TBXAS1: variants seen among roughly 807,000 people sequenced by gnomAD.
TBXAS1 encodes thromboxane-A synthase.
A neutral mutation model predicts 60.7 loss-of-function variants in TBXAS1; 48 were observed. That is an observed-to-expected ratio of 0.79 (90% CI 0.63 to 1.01). TBXAS1 has a LOEUF of 1.01. TBXAS1 is among the 50% of genes least tolerant of loss of function. The pLI is 0.00. For synonymous variants in TBXAS1, 287 were observed against 269.7 expected (o/e 1.06, Z -0.63); for missense variants, 685 against 686.3 (o/e 1.00, Z 0.02).
intron 3 of TBXAS1, among the ~76,000 whole-genome samples, chr7:139,785,966 A>G (rs957519609): frequency 2.0e-5 from 3 of 149,768 alleles, no homozygotes; most frequent in Non-Finnish European, 4.4e-5. Flanking sequence ...CCACATCCCC[A>G]GAGGTCATTT....
At chr7:139,841,435 T>A (rs1799441869) in intron 1 of TBXAS1, among the ~76,000 whole-genome samples, 1 of 152,078 alleles carries the variant, frequency 6.6e-6, no homozygotes, top group Admixed American at 6.5e-5. Flanking sequence ...AAGGCATGGA[T>A]AATTTTCAGT....
chr7:139,826,491 T>A (rs1274617713), upstream of TBXAS1, among the ~76,000 whole-genome samples: 1 of 152,064 alleles, frequency 6.6e-6, no homozygotes, highest in Non-Finnish European at 1.5e-5. Context: ...GAAAGGAAGG[T>A]TCTTGGCACC....
chr7:139,905,092 T>C (rs1804968555), intron 3 of TBXAS1, among the ~76,000 whole-genome samples: 2 of 150,916 alleles, frequency 1.3e-5, no homozygotes, highest in African/African-American at 2.4e-5. Flanking sequence ...TTTCTCCCTC[T>C]CTCTCTCTCT....
intron 9 of TBXAS1, among the ~76,000 whole-genome samples, chr7:139,987,136 G>C (rs1398917337): frequency 6.6e-6 from 1 of 152,054 alleles, no homozygotes; most frequent in Non-Finnish European, 1.5e-5. Context: ...AGCCACCTTG[G>C]GGAGCTTGAT....
At position 139,911,208 on chromosome 7, in the gene TBXAS1, T is replaced by C. The variant is rs768223175; in HGVS notation, c.237-17T>C. The C allele has an allele frequency of 1.3e-5, 21 of 1,611,288 alleles. No homozygotes were observed. The South Asian group carries it at 2.0e-4, about 15-fold the overall frequency. On this transcript the variant is annotated splice_polypyrimidine_tract_variant and intron_variant, in intron 3 of 12. Transcript: ENST00000448866. ...GGGTAATGCAACACATTTTAATGCA[T>C]TTTTTATTCCTCCCAGGTACTATCT...
rs57545948 is a variant in TBXAS1, at chr7:139,852,935, TACACACACACACACACACACACAC to T, written c.90-19268_90-19245del. On this transcript the variant is annotated intron_variant, in intron 1 of 12. Transcript: ENST00000448866. The surrounding 1 kb of genome is among the most constrained non-coding windows in gnomAD (Gnocchi z 4.4). ...TGTGTACCAACCTTGGCTACTCCAA[TACACACACACACACACACACACAC>T]ACACACACACACACACACACACACA... Among the ~76,000 whole-genome samples, 25 of 127,424 alleles carry T rather than the reference TACACACACACACACACACACACAC, an allele frequency of 2.0e-4. No individual in the cohort carries two copies. The highest frequency in any genetic ancestry group is 2.5e-4 in the Non-Finnish European group (15 of 58,994). The allele number at this position is 127,424 out of a possible 152,430, so 83.6% of individuals were successfully genotyped here.
At chr7:139,800,825 A>G (rs1267257047) in intron 4 of TBXAS1, among the ~76,000 whole-genome samples, 1 of 152,102 alleles carries the variant, frequency 6.6e-6, no homozygotes, top group Non-Finnish European at 1.5e-5. Flanking sequence ...CTAAATTTTT[A>G]GTCTTTTCCT....
At chr7:139,791,343 C>T (rs1011130837) in intron 4 of TBXAS1, among the ~76,000 whole-genome samples, 6 of 152,262 alleles carry the variant, frequency 3.9e-5, no homozygotes, top group Middle Eastern at 3.4e-3. Flanking sequence ...GTGGGAGCCT[C>T]GGAGGCCTTC....
chr7:139,965,213 C>T (rs564557969), intron 9 of TBXAS1, among the ~76,000 whole-genome samples: 6 of 148,366 alleles, frequency 4.0e-5, no homozygotes, highest in South Asian at 4.2e-4. Flanking sequence ...AAAGAAACTC[C>T]GTCTCAAAAA....
chr7:139,913,026 A>G, intron 4 of TBXAS1: 1 of 686,424 alleles, frequency 1.5e-6, no homozygotes, highest in Non-Finnish European at 2.7e-6. Context: ...TGAGTGGAGT[A>G]ATTGGCCACT....
chr7:139,861,178 A>AG (rs1260826049), intron 1 of TBXAS1, among the ~76,000 whole-genome samples: 6 of 151,814 alleles, frequency 4.0e-5, no homozygotes, highest in African/African-American at 1.5e-4. Context: ...CTGTCTCAAA[A>AG]AAAAAAAAAA....
At chr7:140,002,783 T>G (rs1262146272) in intron 9 of TBXAS1, among the ~76,000 whole-genome samples, 2 of 151,950 alleles carry the variant, frequency 1.3e-5, no homozygotes, top group Non-Finnish European at 2.9e-5. Context: ...AGACCAACAC[T>G]GGGGAGTAGG....
In TBXAS1 at chr7:140,013,482, G is replaced by A. The variant is rs935623544; in HGVS notation, c.1227-2241G>A. ...CAAGGTACAAGCTTAAGAGAGCCAT[G>A]CCGGGATTTCAAGTTGCAAGGAAGA... On this transcript the variant is annotated intron_variant, in intron 10 of 12. Coordinates refer to ENST00000448866, the MANE Select transcript of TBXAS1 (RefSeq NM_001061.7). This position sits in a 1 kb window ranked among gnomAD's most constrained non-coding sequence, Gnocchi z 4.2. Among the ~76,000 whole-genome samples, 2 of 152,190 alleles carry A rather than the reference G, an allele frequency of 1.3e-5. No individual in the cohort carries two copies. Among genetic ancestry groups the A allele is most frequent in the African/African-American group, 4.8e-5 (2 of 41,442 alleles).
At chr7:140,009,972 CCCA>C (rs1339235904) in intron 10 of TBXAS1, among the ~76,000 whole-genome samples, 1 of 110,548 alleles carries the variant, frequency 9.0e-6, no homozygotes, top group Non-Finnish European at 1.8e-5. Flanking sequence ...CCGCACCTGC[CCCA>C]CACCTGCCCC....
intron 1 of TBXAS1, among the ~76,000 whole-genome samples, chr7:139,834,115 C>T (rs541012825): frequency 1.3e-5 from 2 of 152,208 alleles, no homozygotes; most frequent in Admixed American, 6.5e-5. Context: ...AGCACTCTCT[C>T]AGACCACAAC....
At chr7:139,892,075 G>C (rs1159976889) in intron 3 of TBXAS1, among the ~76,000 whole-genome samples, 2 of 152,176 alleles carry the variant, frequency 1.3e-5, no homozygotes, top group Non-Finnish European at 2.9e-5. Flanking sequence ...TGATACACTA[G>C]CTGGGCTCCA....
At position 139,976,997 on chromosome 7, in the gene TBXAS1, AAAAC is replaced by A. The variant is rs374222628; in HGVS notation, c.1134+14784_1134+14787del. On this transcript the variant is annotated intron_variant, in intron 9 of 12. Transcript: ENST00000448866. Reference sequence around the variant, plus strand: ...AGAGCCAAAAACAAAACAAACATACAAAACAAACAAACAAACAAACAAAACCCAA... The same window carrying A: ...AGAGCCAAAAACAAAACAAACATACAAAACAAACAAACAAACAAAACCCAA... Among the ~76,000 whole-genome samples the A allele has an allele frequency of 3.2e-4, 48 of 152,264 alleles. 1 individual carries two copies. The South Asian group carries it at 3.9e-3, about 12-fold the overall frequency.
At chr7:139,935,988 C>T (rs566070571) in intron 4 of TBXAS1, among the ~76,000 whole-genome samples, 1 of 152,352 alleles carries the variant, frequency 6.6e-6, no homozygotes, top group African/African-American at 2.4e-5. Context: ...GCTTGCCCAT[C>T]TGCTCCCTCT....
intron 9 of TBXAS1, among the ~76,000 whole-genome samples, chr7:139,964,040 G>A (rs866412090): frequency 7.9e-5 from 12 of 152,262 alleles, no homozygotes; most frequent in Middle Eastern, 3.4e-3. Flanking sequence ...CCCAGAAAGA[G>A]TCATGAGGGT....
Sources: allele counts gnomAD v4.1 joint callset (sites outside exome capture counted in the v4.1 genomes callset), GRCh38; gene constraint gnomAD v4.1.1; non-coding constraint Gnocchi (gnomAD v3.1); transcripts MANE v1.5; gene names NCBI Gene and HGNC (gene_info 2026-07-23, HGNC 2026-07-21).